The following RBFOX1 variants were observed in gnomAD, a reference collection of about 807,000 sequenced individuals.
RBFOX1 encodes RNA binding protein fox-1 homolog 1.
A neutral mutation model predicts 57.7 loss-of-function variants in RBFOX1; 8 were observed. The ratio of observed to expected loss-of-function variants is 0.14; its 90% CI spans 0.08 to 0.25. RBFOX1 has a LOEUF of 0.25. RBFOX1 is among the 10% of genes least tolerant of loss of function. The pLI, the probability that RBFOX1 is intolerant of heterozygous loss-of-function variation, is 1.00. For missense variants in RBFOX1, 611 were observed against 548.5 expected, an observed-to-expected ratio of 1.11 and a Z score of -1.14; for synonymous variants, 326 against 222.4, an observed-to-expected ratio of 1.47 and a Z score of -4.15.
At chr16:7,469,658 G>A (rs2061201250) in intron 4 of RBFOX1, among the ~76,000 whole-genome samples, 1 of 152,082 alleles carries the variant, frequency 6.6e-6, no homozygotes, top group East Asian at 1.9e-4. Context: ...ACATCATTAT[G>A]GTACATTTGT....
intron 4 of RBFOX1, among the ~76,000 whole-genome samples, chr16:7,213,604 G>C (rs12446246): frequency 0.39 from 59,071 of 151,678 alleles, 12,130 homozygotes; most frequent in Middle Eastern, 0.47. Flanking sequence ...CTTGGAGTAT[G>C]ATGGGAGCTT....
chr16:7,013,852 C>A (rs889830577), intron 3 of RBFOX1, among the ~76,000 whole-genome samples: 2 of 152,084 alleles, frequency 1.3e-5, no homozygotes, highest in Non-Finnish European at 2.9e-5. Flanking sequence ...GAAATGGGGT[C>A]TCACCATGTT....
chr16:7,420,444 A>G (rs542073448), intron 4 of RBFOX1, among the ~76,000 whole-genome samples: 2 of 152,336 alleles, frequency 1.3e-5, no homozygotes, highest in African/African-American at 4.8e-5. Flanking sequence ...AGCTTTTGTG[A>G]AGGACTCCGG....
intron 1 of RBFOX1, among the ~76,000 whole-genome samples, chr16:5,416,058 G>A (rs993570250): frequency 6.6e-6 from 1 of 152,192 alleles, no homozygotes; most frequent in Non-Finnish European, 1.5e-5. Flanking sequence ...TGTGGCTAAG[G>A]AACGGGGCTG....
chr16:5,247,423 G>A (rs2062330139), intron 1 of RBFOX1, among the ~76,000 whole-genome samples: 1 of 152,236 alleles, frequency 6.6e-6, no homozygotes, highest in Non-Finnish European at 1.5e-5. Context: ...GCTGCTGGGA[G>A]ACCCTCACAT....
rs957783460 is a variant in RBFOX1, at chr16:7,538,560, C to T, written c.270+20171C>T. ...AACAGATAAAAAATAGCTATGGTTT[C>T]TTCGTTTAGAATGTTATCTTGTAGG... On this transcript the variant is annotated intron_variant, in intron 5 of 15. Coordinates refer to ENST00000550418, the MANE Select transcript of RBFOX1 (RefSeq NM_018723.4). Among the ~76,000 whole-genome samples the T allele has an allele frequency of 1.3e-5, 2 of 152,112 alleles. 1 individual carries two copies. The highest frequency in any genetic ancestry group is 4.1e-4 in the South Asian group (2 of 4,832).
intron 1 of RBFOX1, among the ~76,000 whole-genome samples, chr16:6,280,942 G>A (rs75019146): frequency 0.031 from 4,725 of 150,660 alleles, 160 homozygotes; most frequent in African/African-American, 0.075. Context: ...TGCTAGCAAT[G>A]CTAGCAACAT....
At chr16:7,271,525 T>C (rs1404707699) in intron 4 of RBFOX1, among the ~76,000 whole-genome samples, 1 of 152,178 alleles carries the variant, frequency 6.6e-6, no homozygotes, top group Non-Finnish European at 1.5e-5. Context: ...TTGATTTGTT[T>C]TTTTAAAGAT....
At chr16:7,274,923 A>T (rs1398375923) in intron 4 of RBFOX1, among the ~76,000 whole-genome samples, 1 of 151,944 alleles carries the variant, frequency 6.6e-6, no homozygotes, top group East Asian at 1.9e-4. Flanking sequence ...GCCTGAAGTG[A>T]CCTGCCTGCC....
At chr16:7,059,979 A>G (rs2053741912) in intron 4 of RBFOX1, among the ~76,000 whole-genome samples, 1 of 152,218 alleles carries the variant, frequency 6.6e-6, no homozygotes, top group Non-Finnish European at 1.5e-5. Flanking sequence ...GTGGGTGAGA[A>G]GACTGTAAAA....
intron 3 of RBFOX1, among the ~76,000 whole-genome samples, chr16:5,702,756 A>G (rs1450641905): frequency 6.6e-6 from 1 of 152,198 alleles, no homozygotes; most frequent in Non-Finnish European, 1.5e-5. Context: ...ATTGAGATGC[A>G]TGAACATGCT....
chr16:7,566,582 G>A (rs551081787), intron 5 of RBFOX1, among the ~76,000 whole-genome samples: 1 of 152,242 alleles, frequency 6.6e-6, no homozygotes, highest in East Asian at 1.9e-4. Context: ...TAGTTGTTAT[G>A]GCGACTCGGT....
chr16:6,578,612 T>TGTGTGTGTGTATGTGTGG (rs373655762), intron 2 of RBFOX1, among the ~76,000 whole-genome samples: 1 of 147,004 alleles, frequency 6.8e-6, no homozygotes, highest in Admixed American at 6.9e-5. Context: ...TGTGTGTGTG[T>TGTGTGTGTGTATGTGTGG]GAGCATGGGA....
intron 1 of RBFOX1, among the ~76,000 whole-genome samples, chr16:6,062,643 A>G (rs2095703721): frequency 4.0e-5 from 1 of 24,900 alleles, no homozygotes; most frequent in South Asian, 7.9e-4. Context: ...ATACATATAT[A>G]CATATCTATA....
chr16:5,649,202 T>A (rs958919622), intron 3 of RBFOX1, among the ~76,000 whole-genome samples: 4 of 151,726 alleles, frequency 2.6e-5, no homozygotes, highest in Non-Finnish European at 4.4e-5. Flanking sequence ...TGAGATGGAG[T>A]CTTTCTCTGT....
intron 4 of RBFOX1, among the ~76,000 whole-genome samples, chr16:7,325,842 C>T (rs1568218888): frequency 6.6e-6 from 1 of 152,166 alleles, no homozygotes; most frequent in South Asian, 2.1e-4. Flanking sequence ...TATTATGTAG[C>T]ATCTCAGGGA....
At chr16:6,924,026 C>G (rs2075046214) in intron 3 of RBFOX1, among the ~76,000 whole-genome samples, 1 of 151,770 alleles carries the variant, frequency 6.6e-6, no homozygotes, top group South Asian at 2.1e-4. Flanking sequence ...AAACATTAGT[C>G]AGGTATGGTG....
intron 1 of RBFOX1, among the ~76,000 whole-genome samples, chr16:6,072,440 T>G (rs983312994): frequency 3.9e-5 from 6 of 152,218 alleles, no homozygotes; most frequent in African/African-American, 1.4e-4. Context: ...TTTGCTATCA[T>G]GACTTCATTT....
At chr16:6,851,538 T>A (rs1003424481) in intron 3 of RBFOX1, among the ~76,000 whole-genome samples, 35 of 152,328 alleles carry the variant, frequency 2.3e-4, no homozygotes, top group African/African-American at 7.5e-4. Context: ...CATATTAAAT[T>A]TTTATTTAAA....
Sources: gnomAD v4.1 joint callset for allele counts (sites outside exome capture counted in the v4.1 genomes callset) on GRCh38, gnomAD v4.1.1 for gene constraint, MANE v1.5 for transcripts, NCBI Gene and HGNC (gene_info 2026-07-23, HGNC 2026-07-21) for gene names.